Variants in BPTF observed in about 807,000 individuals in gnomAD.
The protein encoded by BPTF is nucleosome-remodeling factor subunit BPTF.
A neutral mutation model predicts 292.5 loss-of-function variants in BPTF; 18 were observed. The ratio of observed to expected loss-of-function variants is 0.06; its 90% confidence interval spans 0.04 to 0.09. The LOEUF (loss-of-function observed/expected upper bound fraction) is 0.09, where lower values mean the gene tolerates loss of function less well. Among genes scored for constraint, BPTF ranks in the 10% least tolerant of loss-of-function variants. BPTF has a pLI of 1.00. For synonymous variants in BPTF, 1,225 were observed against 1,251.9 expected, an observed-to-expected ratio of 0.98 and a Z score of 0.45; for missense variants, 2,726 against 3,498.7, an observed-to-expected ratio of 0.78 and a Z score of 5.57.
intron 3 of BPTF, among the ~76,000 whole-genome samples, chr17:67,872,985 G>T (rs2059838072): frequency 6.6e-6 from 1 of 152,192 alleles, no homozygotes. Flanking sequence ...TACTCGGGAG[G>T]CTGAGGTGGG....
chr17:67,870,982 A>G lies in BPTF; in HGVS notation c.1661-3835A>G, dbSNP rs923111816. Among the ~76,000 whole-genome samples, 3 of 151,526 alleles carry G rather than the reference A, an allele frequency of 2.0e-5. No homozygotes were observed. In the East Asian group the frequency reaches 5.8e-4, roughly 29 times the overall value. Reference sequence around the variant, plus strand: ...GACGGGGTTTCACCGTTTTTTAGCCAGGATGGTCTCGATCTCCTGACCTCG... The same window carrying G: ...GACGGGGTTTCACCGTTTTTTAGCCGGGATGGTCTCGATCTCCTGACCTCG... On this transcript the variant is annotated intron_variant, in intron 3 of 27. Coordinates refer to ENST00000306378, the MANE Select transcript of BPTF (RefSeq NM_182641.4).
At chr17:67,880,954 T>TACACAC (rs370583774) in intron 4 of BPTF, among the ~76,000 whole-genome samples, 168 of 98,786 alleles carry the variant, frequency 1.7e-3, no homozygotes, top group African/African-American at 4.1e-3. Flanking sequence ...ATATTATATA[T>TACACAC]ATATACACAC....
chr17:67,940,736 T>G (rs782717141), intron 19 of BPTF, 80 bp downstream of exon 19: 16 of 1,422,846 alleles, frequency 1.1e-5, no homozygotes, highest in Non-Finnish European at 1.5e-5. Context: ...TGAACTTATT[T>G]TGATACGTTT....
At chr17:67,916,274 T>C (rs575776245) in intron 11 of BPTF, among the ~76,000 whole-genome samples, 100 of 152,220 alleles carry the variant, frequency 6.6e-4, no homozygotes, top group Admixed American at 2.0e-3. Context: ...TCTTTCACAG[T>C]GTTCATTTTT....
intron 24 of BPTF, among the ~76,000 whole-genome samples, chr17:67,962,721 T>C (rs1276715063): frequency 6.6e-6 from 1 of 152,260 alleles, no homozygotes; most frequent in East Asian, 1.9e-4. Flanking sequence ...AATTCCAATG[T>C]TTATTCAGAA....
rs769100141 is a variant in BPTF at position 67,854,262 on chromosome 17, T to C, written c.936T>C (p.Asp312=). ...NTTFGPADLK[D]SVNSTLYFID... is the part of the protein sequence containing the mutation. ...CCTTTGGACCTGCTGATCTGAAAGA[T>C]AGCGTTAATTCCACACTGTATTTCA... is the stretch of plus-strand genomic sequence containing the variant. The change falls in exon 2 of 28, where the codon GAT becomes GAC. Residue 312 remains aspartate (D), a synonymous_variant. Coordinates refer to ENST00000306378, the MANE Select transcript of BPTF (RefSeq NM_182641.4). This position sits in a 1 kb window ranked among gnomAD's most constrained non-coding sequence, Gnocchi z 5.6. 6.2e-7 allele frequency: 1 copy of C among 1,614,180 alleles called. No individual in the cohort carries two copies. Among genetic ancestry groups the C allele is most frequent in the Non-Finnish European group, 8.5e-7 (1 of 1,180,026 alleles).
At chr17:67,922,694 A>T (rs1325498053) in intron 13 of BPTF, 146 bp from the exon 14 acceptor site, 6 of 823,292 alleles carry the variant, frequency 7.3e-6, no homozygotes, top group Middle Eastern at 3.4e-4. Flanking sequence ...TGCTTTCATG[A>T]TACAAAGGCA....
chr17:67,912,095 C>T lies in BPTF; in HGVS notation c.4211C>T (p.Thr1404Ile). ...GAAAAGAAAGGACAGAGAACAAGTA[C>T]ATTTCAAATAAATGGAAAAGATAAT... The part of the protein sequence containing the change: ...ESEKKGQRTS[T>I]FQINGKDNKP... Residue 1404 changes from threonine (T) to isoleucine (I), a missense_variant, in exon 11 of 28, where the codon ACA (threonine) becomes ATA (isoleucine). By Grantham distance (89) the Thr-to-Ile change is moderately conservative. Around this residue, in one of 22 missense-constraint regions of BPTF, gnomAD observed 713 missense variants for 714.9 expected, o/e 1.00. Coordinates refer to ENST00000306378, the MANE Select transcript of BPTF (RefSeq NM_182641.4). 2 of 1,606,886 alleles carry T rather than the reference C, an allele frequency of 1.2e-6. No individual in the cohort carries two copies. The highest frequency in any genetic ancestry group is 1.7e-6 in the Non-Finnish European group (2 of 1,177,744).
chr17:67,837,601 G>A (rs2057233793), intron 1 of BPTF, among the ~76,000 whole-genome samples: 1 of 152,090 alleles, frequency 6.6e-6, no homozygotes, highest in Non-Finnish European at 1.5e-5. Context: ...GTAGTGACGG[G>A]GTTTCACCAT....
chr17:67,978,980 A>G (rs1438380082), intron 27 of BPTF, among the ~76,000 whole-genome samples: 2 of 151,804 alleles, frequency 1.3e-5, no homozygotes, highest in Non-Finnish European at 2.9e-5. Context: ...ATTCTAGACC[A>G]GCCTGGGCAA....
rs782663433 is a variant in BPTF at position 67,975,879 on chromosome 17, A to C, written c.8647A>C (p.Ser2883Arg). 2 of 1,614,042 alleles carry C rather than the reference A, an allele frequency of 1.2e-6. No homozygotes were observed. Among genetic ancestry groups the C allele is most frequent in the Non-Finnish European group, 1.7e-6 (2 of 1,179,980 alleles). ...TGATAACTGTCGTTACTACAATCCA[A>C]GTGACTCCCCATTTTACCAGTGTGC... ...IFDNCRYYNPSDSPFYQCAEV... is the reference protein window; with the variant it reads ...IFDNCRYYNPRDSPFYQCAEV... Residue 2883 changes from serine to arginine, a missense_variant, in exon 27 of 28, where the codon AGT becomes CGT. Around this residue, in one of 22 missense-constraint regions of BPTF, gnomAD observed 27 missense variants for 66.1 expected, o/e 0.41. Coordinates refer to ENST00000306378, the MANE Select transcript of BPTF (RefSeq NM_182641.4).
intron 1 of BPTF, among the ~76,000 whole-genome samples, chr17:67,833,607 C>T (rs1363506225): frequency 6.8e-6 from 1 of 147,952 alleles, no homozygotes; most frequent in African/African-American, 2.5e-5. Flanking sequence ...AGTCTCTTGT[C>T]GCCCAGGCTG....
chr17:67,949,574 CAAAAAA>C (rs546531290), intron 23 of BPTF, among the ~76,000 whole-genome samples: 1 of 129,330 alleles, frequency 7.7e-6, no homozygotes, highest in South Asian at 2.4e-4. Flanking sequence ...GACTCCATCT[CAAAAAA>C]AAAAAAGTAG....
At chr17:67,892,180 T>TA in intron 5 of BPTF, 146 bp downstream of exon 5, 1 of 652,760 alleles carries the variant, frequency 1.5e-6, no homozygotes, top group Non-Finnish European at 2.4e-6. Flanking sequence ...CTGTAGTAGT[T>TA]AACAAGACTG....
intron 2 of BPTF, among the ~76,000 whole-genome samples, chr17:67,857,782 CTTTTTTTTTTT>C (rs35999365): frequency 3.9e-5 from 4 of 103,476 alleles, no homozygotes; most frequent in African/African-American, 7.6e-5. Context: ...ATATTTCTTT[CTTTTTTTTTTT>C]TTTTTTTTTT....
intron 13 of BPTF, among the ~76,000 whole-genome samples, chr17:67,921,973 G>A (rs941036618): frequency 2.0e-5 from 3 of 151,794 alleles, no homozygotes; most frequent in Non-Finnish European, 4.4e-5. Context: ...GGGTGTTGCA[G>A]TGAGCCGAGA....
At chr17:67,840,139 G>A (rs932898168) in intron 1 of BPTF, among the ~76,000 whole-genome samples, 3 of 139,174 alleles carry the variant, frequency 2.2e-5, no homozygotes, top group African/African-American at 7.9e-5. Flanking sequence ...GGTCTTGCTT[G>A]TTGCCCAGGC....
chr17:67,901,125 T>C (rs1040811805), intron 7 of BPTF, among the ~76,000 whole-genome samples: 1 of 152,110 alleles, frequency 6.6e-6, no homozygotes, highest in Admixed American at 6.6e-5. Flanking sequence ...TTTTGAAGCT[T>C]CAATAATTTG....
rs190409383 is a variant in BPTF, at chr17:67,877,456, A to G, written c.1864+2436A>G. Among the ~76,000 whole-genome samples the G allele has an allele frequency of 4.6e-5, 7 of 152,334 alleles. No homozygotes were observed. In the East Asian group the frequency reaches 5.8e-4, roughly 13 times the overall value. ...TTGTTAGAAGAATTGGGGTGGGAGA[A>G]TTGTTAAAGGCAGACTAAGAACAAT... On this transcript the variant is annotated intron_variant, in intron 4 of 27. Coordinates refer to ENST00000306378, the MANE Select transcript of BPTF (RefSeq NM_182641.4).
Sources: gnomAD v4.1 joint callset for allele counts (sites outside exome capture counted in the v4.1 genomes callset) on GRCh38, gnomAD v4.1.1 for gene constraint, gnomAD v4.1.1 regional missense constraint, Gnocchi (gnomAD v3.1) non-coding constraint, MANE v1.5 for transcripts, NCBI Gene and HGNC (gene_info 2026-07-23, HGNC 2026-07-21) for gene names.